The following DGKZ variants were observed in gnomAD, a reference collection of about 807,000 sequenced individuals.
DGKZ encodes the protein diacylglycerol kinase zeta, also known as DAG kinase zeta.
DGKZ carries 45 observed loss-of-function variants against 142.5 expected under a neutral mutation model. The ratio of observed to expected loss-of-function variants is 0.32; its 90% confidence interval spans 0.25 to 0.40. The LOEUF (loss-of-function observed/expected upper bound fraction) is 0.40. DGKZ is among the 10% of genes least tolerant of loss of function. The pLI is 1.00. For synonymous variants in DGKZ, 442 were observed against 527.0 expected (o/e 0.84, Z 2.21); for missense variants, 755 against 1,306.5 (o/e 0.58, Z 6.51).
intron 1 of DGKZ, among the ~76,000 whole-genome samples, chr11:46,338,325 A>C (rs1940109993): frequency 6.6e-6 from 1 of 151,646 alleles, no homozygotes; most frequent in South Asian, 2.1e-4. Flanking sequence ...GTTAAATCCC[A>C]CCTCTACTAA....
At chr11:46,371,422 C>A (rs755724631) in intron 7 of DGKZ, 38 bp downstream of exon 7, 1 of 1,610,902 alleles carries the variant, frequency 6.2e-7, no homozygotes, top group Non-Finnish European at 8.5e-7. Flanking sequence ...AGGCCCTGCA[C>A]TGCTGGGTTT....
intron 7 of DGKZ, 29 bp downstream of exon 7, chr11:46,371,413 G>C: frequency 6.2e-7 from 1 of 1,611,900 alleles, no homozygotes; most frequent in Non-Finnish European, 8.5e-7. Context: ...CCCAGGGCCA[G>C]GCCCTGCACT....
In DGKZ at chr11:46,368,031, A is replaced by G. The variant is rs1313282925; in HGVS notation, c.396A>G (p.Ala132=). 5 of 1,613,998 alleles carry G rather than the reference A, an allele frequency of 3.1e-6. No homozygotes were observed. The South Asian group carries it at 4.4e-5, about 14-fold the overall frequency. The change falls in exon 4 of 31, where the codon GCA becomes GCG. Residue 132 remains alanine, a synonymous_variant. Coordinates refer to ENST00000527911, the Ensembl canonical transcript of DGKZ. ...AGTCAGTGTCTCGAAGAAAGTGCGC[A>G]GCCTGCAAGATTGTGGTGCACACGC...
chr11:46,367,222 C>T lies in DGKZ; in HGVS notation c.162-69C>T. ...CCGAGGTCACGGAAAGGGCAGAGGC[C>T]CCAGGAGGTGGGAGGAAGTAGGGTC... On this transcript the variant is annotated intron_variant, in intron 1 of 30. Transcript: ENST00000527911. The surrounding 1 kb of genome is among the most constrained non-coding windows in gnomAD (Gnocchi z 4.1). 1 of 1,433,778 alleles carries T rather than the reference C, an allele frequency of 7.0e-7. No individual in the cohort carries two copies. The highest frequency in any genetic ancestry group is 9.6e-7 in the Non-Finnish European group (1 of 1,040,730). The allele number at this position is 1,433,778 out of a possible 1,614,324, so 88.8% of individuals were successfully genotyped here.
At chr11:46,355,354 C>T (rs549680673) in intron 1 of DGKZ, among the ~76,000 whole-genome samples, 6 of 152,142 alleles carry the variant, frequency 3.9e-5, no homozygotes, top group African/African-American at 1.4e-4. Context: ...GTGATCCGCC[C>T]GCCTCAGCCT....
chr11:46,379,702 G>A, intron 30 of DGKZ, 129 bp from the exon 31 acceptor site: 1 of 1,273,228 alleles, frequency 7.9e-7, no homozygotes. Flanking sequence ...GCCAGCAGGG[G>A]AGGAGCTGGT....
chr11:46,337,906 T>C (rs1940090521), intron 1 of DGKZ, among the ~76,000 whole-genome samples: 1 of 152,238 alleles, frequency 6.6e-6, no homozygotes, highest in Admixed American at 6.5e-5. Context: ...GAAGAACCAG[T>C]GCCTGTACCT....
intron 1 of DGKZ, among the ~76,000 whole-genome samples, chr11:46,356,449 TG>T (rs1272648216): frequency 6.6e-6 from 1 of 152,064 alleles, no homozygotes; most frequent in Non-Finnish European, 1.5e-5. Flanking sequence ...TTCTACACTC[TG>T]GGGATGCCAT....
chr11:46,368,541 C>T (rs1392936471), intron 4 of DGKZ: 6 of 319,776 alleles, frequency 1.9e-5, no homozygotes, highest in East Asian at 8.6e-5. Context: ...ACTGGGCAGA[C>T]GGGTCAAGGC....
In DGKZ at chr11:46,347,743, C is replaced by G; in HGVS notation, c.84C>G (p.Asp28Glu). The G allele has an allele frequency of 6.9e-7, 1 of 1,450,082 alleles. No individual in the cohort carries two copies. The highest frequency in any genetic ancestry group is 1.3e-5 in the South Asian group (1 of 75,492). The allele number at this position is 1,450,082 out of a possible 1,614,324, so 89.8% of individuals were successfully genotyped here. Residue 28 changes from aspartate to glutamate, a missense_variant, in exon 1 of 31, where the codon GAC becomes GAG. By Grantham distance (45) the Asp-to-Glu change is conservative. Around this residue, in one of 8 missense-constraint regions of DGKZ, gnomAD observed 28 missense variants for 92.8 expected, o/e 0.30. Coordinates refer to ENST00000527911, the Ensembl canonical transcript of DGKZ. The surrounding 1 kb of genome is among the most constrained non-coding windows in gnomAD (Gnocchi z 6.4). ...CCTCGTCCAGCGGCTCCGAGCGCGA[C>G]GCCGGTCCCGAGCCGGACAAGGCGC...
At chr11:46,358,194 A>G (rs948499749) in intron 1 of DGKZ, among the ~76,000 whole-genome samples, 1 of 152,198 alleles carries the variant, frequency 6.6e-6, no homozygotes, top group Non-Finnish European at 1.5e-5. Flanking sequence ...ACGCGAATCT[A>G]GGCAGGGGCC....
At chr11:46,358,900 TG>T (rs941920074) in intron 1 of DGKZ, among the ~76,000 whole-genome samples, 5 of 152,060 alleles carry the variant, frequency 3.3e-5, no homozygotes, top group African/African-American at 9.7e-5. Context: ...CCCAGCACTT[TG>T]GGAGGCTGAG....
Position 46,367,051 on chromosome 11 carries a change from C to G in DGKZ, c.162-240C>G. 6.8e-7 allele frequency: 1 copy of G among 1,461,724 alleles called. No homozygotes were observed. The highest frequency in any genetic ancestry group is 2.5e-4 in the Middle Eastern group (1 of 4,020). 90.5% of individuals were successfully genotyped at this position (1,461,724 alleles called of 1,614,324 possible). ...CTGTGGGTCTGGCCTGGGCATGGGC[C>G]TTGAAGCTCTGCCTGGCTGAGGGTT... On this transcript the variant is annotated intron_variant, in intron 1 of 30. Coordinates refer to ENST00000527911, the Ensembl canonical transcript of DGKZ. The surrounding 1 kb of genome is among the most constrained non-coding windows in gnomAD (Gnocchi z 4.1).
At chr11:46,350,735 G>A (rs1026284473) in intron 1 of DGKZ, among the ~76,000 whole-genome samples, 4 of 152,172 alleles carry the variant, frequency 2.6e-5, no homozygotes, top group African/African-American at 4.8e-5. Context: ...CCTCTGGGTA[G>A]GACAGTCTCT....
chr11:46,377,829 G>C, intron 25 of DGKZ: 1 of 294,752 alleles, frequency 3.4e-6, no homozygotes, highest in Non-Finnish European at 6.4e-6. Flanking sequence ...CCATCTTTCC[G>C]GAGCTCCCCC....
intron 1 of DGKZ, among the ~76,000 whole-genome samples, chr11:46,355,129 GAGACAGAGTCTCACTCTCGCCC>G (rs773577164): frequency 9.2e-5 from 14 of 151,436 alleles, no homozygotes; most frequent in Non-Finnish European, 2.1e-4. Flanking sequence ...TTATTTTTTT[GAGACAGAGTCTCACTCTCGCCC>G]AGGCTAGAGT....
chr11:46,333,175 T>C, exon 1 of DGKZ: 1 of 1,075,114 alleles, frequency 9.3e-7, no homozygotes, highest in Non-Finnish European at 1.2e-6. Context: ...GGCGCTCCCC[T>C]CCCTCCCCGC....
exon 27 of DGKZ, chr11:46,378,469 T>C: frequency 6.2e-7 from 1 of 1,606,274 alleles, no homozygotes; most frequent in Non-Finnish European, 8.5e-7. Flanking sequence ...GAAGAGCTGA[T>C]TGAGGCTGCC....
rs1375375360 is a variant in DGKZ at position 46,335,452 on chromosome 11, C to T, written c.212+1965C>T. 3.3e-5 allele frequency among the ~76,000 whole-genome samples: 5 copies of T among 152,266 alleles called. No individual in the cohort carries two copies. The East Asian group carries it at 9.7e-4, about 29-fold the overall frequency. On this transcript the variant is annotated intron_variant, in intron 1 of 30. Coordinates refer to the DGKZ transcript ENST00000343674. Reference sequence around the variant, plus strand: ...GCACACACACACACACACACACACACACGCACACAGCGGCAAGGGCTGGGA... The same window carrying T: ...GCACACACACACACACACACACACATACGCACACAGCGGCAAGGGCTGGGA...
Sources: gnomAD v4.1 joint callset for allele counts (sites outside exome capture counted in the v4.1 genomes callset) on GRCh38, gnomAD v4.1.1 for gene constraint, gnomAD v4.1.1 regional missense constraint, Gnocchi (gnomAD v3.1) non-coding constraint, MANE v1.5 for transcripts, NCBI Gene and HGNC (gene_info 2026-07-23, HGNC 2026-07-21) for gene names.